The following UBE4B variants were observed in gnomAD, a reference collection of about 807,000 sequenced individuals.
The protein encoded by UBE4B is ubiquitin conjugation factor E4 B.
UBE4B carries 27 observed loss-of-function variants against 148.1 expected under a neutral mutation model. The observed-to-expected ratio is 0.18, with a 90% CI of 0.13 to 0.25. The LOEUF (loss-of-function observed/expected upper bound fraction) is 0.25. Among genes scored for constraint, UBE4B ranks in the 10% least tolerant of loss-of-function variants. The pLI, the probability that UBE4B is intolerant of heterozygous loss-of-function variation, is 1.00. For synonymous variants in UBE4B, 596 were observed against 619.3 expected (o/e 0.96, Z 0.56); for missense variants, 1,170 against 1,662.4 (o/e 0.70, Z 5.15).
chr1:10,103,429 T>G (rs1645049604), intron 5 of UBE4B, among the ~76,000 whole-genome samples: 2 of 148,210 alleles, frequency 1.3e-5, no homozygotes, highest in Non-Finnish European at 3.0e-5. Flanking sequence ...ATTTATTTAT[T>G]TATTTATTTA....
At position 10,032,989 on chromosome 1, in the gene UBE4B, A is replaced by T. The variant is rs1445423491; in HGVS notation, c.-682A>T. 6.6e-6 allele frequency: 1 copy of T among 152,082 alleles called. No homozygotes were observed. Among genetic ancestry groups the T allele is most frequent in the Non-Finnish European group, 1.5e-5 (1 of 68,040 alleles). 9.4% of individuals were successfully genotyped at this position (152,082 alleles called of 1,614,324 possible). A position where few individuals can be genotyped will look rare whatever the true frequency, so the allele number is the denominator to read the frequency against. The stretch of plus-strand genomic sequence containing the variant: ...CAAAGATGGCCGCCCTGTTGTTTTG[A>T]TGAATAATACTTGGTGGGGCGAGGG... On this transcript the variant is annotated 5_prime_UTR_variant, in exon 1 of 28. It removes an upstream start codon present in the reference 5' UTR. Coordinates refer to ENST00000343090, the MANE Select transcript of UBE4B (RefSeq NM_001105562.3).
chr1:10,122,147 A>C, intron 10 of UBE4B, 71 bp downstream of exon 10: 1 of 1,081,604 alleles, frequency 9.2e-7, no homozygotes, highest in Non-Finnish European at 1.4e-6. Flanking sequence ...ATTTCTGACC[A>C]TTGAAAACTT....
At chr1:10,068,380 C>G (rs951105677) in intron 1 of UBE4B, among the ~76,000 whole-genome samples, 4 of 139,656 alleles carry the variant, frequency 2.9e-5, no homozygotes, top group Non-Finnish European at 6.2e-5. Flanking sequence ...GCAGGAGTCT[C>G]GCTCTGTTGC....
chr1:10,091,907 A>G (rs1644854759), intron 2 of UBE4B, among the ~76,000 whole-genome samples: 1 of 151,800 alleles, frequency 6.6e-6, no homozygotes, highest in East Asian at 1.9e-4. Flanking sequence ...CGCCCGGACT[A>G]CCTGACTAAT....
At chr1:10,149,706 G>T (rs775525312) in intron 20 of UBE4B, among the ~76,000 whole-genome samples, 1 of 151,894 alleles carries the variant, frequency 6.6e-6, no homozygotes, top group African/African-American at 2.4e-5. Flanking sequence ...GGTATTGTAG[G>T]GTTTTAATTT....
At chr1:10,049,473 A>T (rs982730876) in intron 1 of UBE4B, among the ~76,000 whole-genome samples, 6 of 152,158 alleles carry the variant, frequency 3.9e-5, no homozygotes, top group Admixed American at 3.9e-4. Context: ...AGCCAGACGC[A>T]ATGATGCATG....
intron 17 of UBE4B, among the ~76,000 whole-genome samples, chr1:10,141,194 A>C (rs1645777239): frequency 6.6e-6 from 1 of 152,184 alleles, no homozygotes; most frequent in Non-Finnish European, 1.5e-5. Context: ...CTGGTCTCGG[A>C]ACCTGTGAAT....
intron 7 of UBE4B, among the ~76,000 whole-genome samples, chr1:10,113,891 C>T (rs1645262015): frequency 6.6e-6 from 1 of 151,756 alleles, no homozygotes; most frequent in Non-Finnish European, 1.5e-5. Flanking sequence ...ATGGTGAAAC[C>T]CCGTCTCTAC....
chr1:10,063,547 G>A (rs891824170), intron 1 of UBE4B, among the ~76,000 whole-genome samples: 3 of 152,250 alleles, frequency 2.0e-5, no homozygotes, highest in Admixed American at 1.3e-4. Flanking sequence ...TGCCCATTGC[G>A]CAGGCTTGCT....
chr1:10,162,508 A>T (rs1476802750), intron 23 of UBE4B, among the ~76,000 whole-genome samples: 1 of 149,430 alleles, frequency 6.7e-6, no homozygotes, highest in African/African-American at 2.5e-5. Context: ...GGGTTTCACC[A>T]TGTTGGCCAG....
At chr1:10,057,400 T>C (rs890130552) in intron 1 of UBE4B, among the ~76,000 whole-genome samples, 6 of 150,824 alleles carry the variant, frequency 4.0e-5, no homozygotes, top group African/African-American at 1.5e-4. Context: ...CCTGAGAAAA[T>C]ACCATTTACA....
chr1:10,103,626 G>GTTTTTTTTTTTTTTTTT (rs1279924321), intron 5 of UBE4B, among the ~76,000 whole-genome samples: 1 of 117,080 alleles, frequency 8.5e-6, no homozygotes, highest in Non-Finnish European at 1.9e-5. Flanking sequence ...TGTTTGTTTT[G>GTTTTTTTTTTTTTTTTT]TTTTTGTTTT....
intron 17 of UBE4B, among the ~76,000 whole-genome samples, chr1:10,137,589 G>A (rs1645710763): frequency 6.6e-6 from 1 of 152,086 alleles, no homozygotes; most frequent in African/African-American, 2.4e-5. Context: ...GGTTTCCCTT[G>A]ATAACCAGGA....
intron 1 of UBE4B, among the ~76,000 whole-genome samples, chr1:10,052,909 C>G (rs1158623015): frequency 6.6e-6 from 1 of 152,134 alleles, no homozygotes; most frequent in East Asian, 1.9e-4. Flanking sequence ...TGAGAGCCAA[C>G]TTCTTGGTTC....
intron 5 of UBE4B, among the ~76,000 whole-genome samples, chr1:10,104,184 A>G (rs768206493): frequency 1.3e-5 from 2 of 152,184 alleles, no homozygotes; most frequent in East Asian, 1.9e-4. Flanking sequence ...GAATTGGTCT[A>G]TTTGGTTAAA....
chr1:10,054,368 G>T, intron 1 of UBE4B: 1 of 186,664 alleles, frequency 5.4e-6, no homozygotes, highest in Non-Finnish European at 1.1e-5. Context: ...TTGGGCGAGG[G>T]GACACCACAC....
intron 18 of UBE4B, among the ~76,000 whole-genome samples, chr1:10,146,155 A>G (rs1044401644): frequency 1.3e-5 from 2 of 152,178 alleles, no homozygotes; most frequent in Admixed American, 6.6e-5. Context: ...AAGGGGATCT[A>G]TAAACTGCTT....
chr1:10,084,486 A>G (rs1375161212), intron 2 of UBE4B, among the ~76,000 whole-genome samples: 4 of 152,050 alleles, frequency 2.6e-5, no homozygotes, highest in Non-Finnish European at 4.4e-5. Context: ...AGATCGTGCC[A>G]CACAAACCAC....
chr1:10,124,725 C>A (rs1417321590), intron 10 of UBE4B, among the ~76,000 whole-genome samples: 1 of 149,854 alleles, frequency 6.7e-6, no homozygotes, highest in African/African-American at 2.5e-5. Context: ...GAGAAATGTT[C>A]ACAGATAAAT....
Sources: allele counts gnomAD v4.1 joint callset (sites outside exome capture counted in the v4.1 genomes callset), GRCh38; gene constraint gnomAD v4.1.1; transcripts MANE v1.5; gene names NCBI Gene and HGNC (gene_info 2026-07-23, HGNC 2026-07-21).